WWC1: variants seen among roughly 807,000 people sequenced by gnomAD.
WWC1 encodes protein KIBRA.
A neutral mutation model predicts 138.4 loss-of-function variants in WWC1; 55 were observed. The ratio of observed to expected loss-of-function variants is 0.40; its 90% CI spans 0.32 to 0.50. The LOEUF (loss-of-function observed/expected upper bound fraction) is 0.50. WWC1 is among the 20% of genes least tolerant of loss of function. The pLI is 0.72. For missense variants in WWC1, 1,226 were observed against 1,420.4 expected (o/e 0.86, Z 2.20); for synonymous variants, 524 against 564.9 (o/e 0.93, Z 1.03).
chr5:168,294,278 T>C (rs916544238), intron 1 of WWC1, among the ~76,000 whole-genome samples: 8 of 152,310 alleles, frequency 5.3e-5, no homozygotes, highest in Admixed American at 3.3e-4. Flanking sequence ...CATGATTTTT[T>C]TTTGCTATAT....
At chr5:168,334,393 T>C (rs17070088) in intron 1 of WWC1, among the ~76,000 whole-genome samples, 7,731 of 152,194 alleles carry the variant, frequency 0.051, 652 homozygotes, top group African/African-American at 0.17. Flanking sequence ...TGCAACCTTG[T>C]GCATTATAGA....
chr5:168,371,926 A>T (rs544691425), intron 2 of WWC1, among the ~76,000 whole-genome samples: 75 of 152,304 alleles, frequency 4.9e-4, no homozygotes, highest in Admixed American at 1.3e-3. Context: ...CCCTAAAAGA[A>T]AGATGTGTCA....
At chr5:168,463,843 T>C (rs1373450512) in intron 20 of WWC1, among the ~76,000 whole-genome samples, 1 of 152,170 alleles carries the variant, frequency 6.6e-6, no homozygotes, top group Non-Finnish European at 1.5e-5. Context: ...ATGGCATTGC[T>C]CCCTCTGTAC....
At chr5:168,360,529 C>A (rs76758476) in intron 1 of WWC1, among the ~76,000 whole-genome samples, 1 of 152,142 alleles carries the variant, frequency 6.6e-6, no homozygotes, top group Non-Finnish European at 1.5e-5. Flanking sequence ...GCTGCCCTGA[C>A]CTTTGGGACA....
At chr5:168,336,103 C>T (rs1032197538) in intron 1 of WWC1, among the ~76,000 whole-genome samples, 1 of 152,216 alleles carries the variant, frequency 6.6e-6, no homozygotes, top group African/African-American at 2.4e-5. Flanking sequence ...AAACCCCTCC[C>T]TTAACCGCCC....
intron 1 of WWC1, among the ~76,000 whole-genome samples, chr5:168,327,609 C>G (rs1772674740): frequency 6.6e-6 from 1 of 152,314 alleles, no homozygotes; most frequent in African/African-American, 2.4e-5. Context: ...TTTTGAGACA[C>G]TAGGAAGCTG....
chr5:168,365,867 C>A (rs1246736348), intron 1 of WWC1, among the ~76,000 whole-genome samples: 1 of 152,236 alleles, frequency 6.6e-6, no homozygotes, highest in Non-Finnish European at 1.5e-5. Flanking sequence ...TCTTGCCCCT[C>A]CAGCATCTGG....
At chr5:168,296,521 C>A (rs970636604) in intron 1 of WWC1, among the ~76,000 whole-genome samples, 1 of 152,180 alleles carries the variant, frequency 6.6e-6, no homozygotes, top group African/African-American at 2.4e-5. Flanking sequence ...ATTTCAGGGA[C>A]CTCCTGGACC....
In WWC1 at chr5:168,292,483, G is replaced by T. The variant is rs556253315; in HGVS notation, c.119+212G>T. Among the ~76,000 whole-genome samples the T allele has an allele frequency of 6.6e-6, 1 of 152,010 alleles. No homozygotes were observed. The highest frequency in any genetic ancestry group is 1.9e-4 in the East Asian group (1 of 5,136). On this transcript the variant is annotated intron_variant, in intron 1 of 22. Transcript: ENST00000265293. The surrounding 1 kb of genome is among the most constrained non-coding windows in gnomAD (Gnocchi z 4.4). ...AGAGGAGGCGCCTGCCGGGGAGCTG[G>T]CCCAGGCTGCCCCACCGCCATCCCC...
intron 14 of WWC1, 112 bp from the exon 15 acceptor site, chr5:168,431,140 C>T: frequency 1.0e-6 from 1 of 969,128 alleles, no homozygotes; most frequent in Non-Finnish European, 1.5e-6. Context: ...CTCACTTCTA[C>T]AAACTCTCAT....
rs1771723999 is a variant in WWC1 at position 168,317,676 on chromosome 5, C to T, written c.119+25405C>T. Among the ~76,000 whole-genome samples, 4 of 152,172 alleles carry T rather than the reference C, an allele frequency of 2.6e-5. No homozygotes were observed. The South Asian group carries it at 8.3e-4, about 32-fold the overall frequency. On this transcript the variant is annotated intron_variant, in intron 1 of 22. Coordinates refer to ENST00000265293, the MANE Select transcript of WWC1 (RefSeq NM_015238.3). ...AGGCCTTTTCAGAGAGAAAGAAGTCCTGCTCCTCAGTATTCCCAGGATCCT... is the reference window on the plus strand; with the variant it reads ...AGGCCTTTTCAGAGAGAAAGAAGTCTTGCTCCTCAGTATTCCCAGGATCCT...
chr5:168,466,679 C>T (rs1757322671), intron 21 of WWC1, among the ~76,000 whole-genome samples: 1 of 152,100 alleles, frequency 6.6e-6, no homozygotes. Flanking sequence ...GAGGGGAAAA[C>T]AGAAAATTGG....
chr5:168,320,815 T>C (rs1237182259), intron 1 of WWC1, among the ~76,000 whole-genome samples: 1 of 152,066 alleles, frequency 6.6e-6, no homozygotes, highest in African/African-American at 2.4e-5. Context: ...ACAGGGGCAG[T>C]TTCTGTCCGA....
intron 1 of WWC1, among the ~76,000 whole-genome samples, chr5:168,305,460 G>A (rs1054664724): frequency 5.9e-5 from 9 of 152,160 alleles, no homozygotes; most frequent in Non-Finnish European, 1.2e-4. Context: ...TAATAGAATG[G>A]CATAATTTCC....
At chr5:168,324,420 G>A (rs1049288287) in intron 1 of WWC1, among the ~76,000 whole-genome samples, 8 of 151,882 alleles carry the variant, frequency 5.3e-5, no homozygotes, top group Non-Finnish European at 7.4e-5. Context: ...GTAACAGAGC[G>A]TGACTCTGTC....
At chr5:168,323,871 T>C (rs1391659722) in intron 1 of WWC1, among the ~76,000 whole-genome samples, 1 of 151,926 alleles carries the variant, frequency 6.6e-6, no homozygotes, top group Non-Finnish European at 1.5e-5. Flanking sequence ...AATCTTAAAA[T>C]CATCAGGGAA....
chr5:168,438,581 T>C (rs1320650993), intron 15 of WWC1, among the ~76,000 whole-genome samples: 1 of 152,178 alleles, frequency 6.6e-6, no homozygotes, highest in East Asian at 1.9e-4. Context: ...ATTAATACAC[T>C]TGGCTACAGG....
In WWC1 at chr5:168,423,550, A is replaced by T; in HGVS notation, c.1292A>T (p.Gln431Leu). 2 of 1,612,516 alleles carry T rather than the reference A, an allele frequency of 1.2e-6. No individual in the cohort carries two copies. Among genetic ancestry groups the T allele is most frequent in the Middle Eastern group, 1.7e-4 (1 of 6,054 alleles). The change falls in exon 11 of 23, where the codon CAG becomes CTG. Residue 431 changes from glutamine to leucine, a missense_variant. This residue lies in a region of WWC1 where 1,016 missense variants were observed against 1,153.9 expected (regional missense o/e 0.88). Transcript: ENST00000265293. The stretch of plus-strand genomic sequence containing the variant: ...TGTCCCAGTCTCTCAAGCAGCATGC[A>T]GTCCCTGTCCTCAGGCAGCAGCCCC... ...SQLKSLSSSM[Q>L]SLSSGSSPGS...
chr5:168,310,462 A>G (rs2152748180), intron 1 of WWC1, among the ~76,000 whole-genome samples: 1 of 151,718 alleles, frequency 6.6e-6, no homozygotes, highest in East Asian at 1.9e-4. Flanking sequence ...GTATCCAAAG[A>G]TATAGAAATT....
Sources: allele counts gnomAD v4.1 joint callset (sites outside exome capture counted in the v4.1 genomes callset), GRCh38; gene constraint gnomAD v4.1.1; regional missense constraint gnomAD v4.1.1; non-coding constraint Gnocchi (gnomAD v3.1); transcripts MANE v1.5; gene names NCBI Gene and HGNC (gene_info 2026-07-23, HGNC 2026-07-21).